The following EFNA5 variants were observed in gnomAD, a reference collection of about 807,000 sequenced individuals.
EFNA5 encodes ephrin A5.
EFNA5 carries 5 observed loss-of-function variants against 22.9 expected under a neutral mutation model. That is an observed-to-expected ratio of 0.22 (90% CI 0.11 to 0.46). The LOEUF (loss-of-function observed/expected upper bound fraction) is 0.46. EFNA5 is among the 20% of genes least tolerant of loss of function. The probability of loss-of-function intolerance (pLI) is 0.99; values close to 1 mark genes in which losing one functional copy is unlikely to be tolerated. For missense variants in EFNA5, 237 were observed against 293.3 expected (o/e 0.81, Z 1.40); for synonymous variants, 113 against 112.2 (o/e 1.01, Z -0.04).
At chr5:107,571,161 C>T (rs1748795249) in intron 1 of EFNA5, among the ~76,000 whole-genome samples, 1 of 152,126 alleles carries the variant, frequency 6.6e-6, no homozygotes, top group East Asian at 1.9e-4. Flanking sequence ...GGCTTAGGGG[C>T]CTACAGAAAA....
At chr5:107,401,616 A>G (rs1022280893) in intron 2 of EFNA5, among the ~76,000 whole-genome samples, 3 of 152,224 alleles carry the variant, frequency 2.0e-5, no homozygotes, top group Non-Finnish European at 4.4e-5. Context: ...AGGGGGAGGT[A>G]AAACACATAC....
intron 1 of EFNA5, among the ~76,000 whole-genome samples, chr5:107,636,396 G>A (rs995627735): frequency 6.6e-6 from 1 of 152,186 alleles, no homozygotes; most frequent in Non-Finnish European, 1.5e-5. Flanking sequence ...CACAAAGCAT[G>A]TTCAAATTCA....
At chr5:107,508,405 G>A (rs1359827761) in intron 1 of EFNA5, among the ~76,000 whole-genome samples, 1 of 152,136 alleles carries the variant, frequency 6.6e-6, no homozygotes, top group East Asian at 1.9e-4. Context: ...ACACACAGAC[G>A]AATGTCATCA....
At chr5:107,512,212 A>G (rs1747385969) in intron 1 of EFNA5, among the ~76,000 whole-genome samples, 1 of 152,146 alleles carries the variant, frequency 6.6e-6, no homozygotes, top group Non-Finnish European at 1.5e-5. Flanking sequence ...CGCTCACTCC[A>G]TCTCTGTTGT....
chr5:107,433,437 A>G (rs1749020802), intron 1 of EFNA5, among the ~76,000 whole-genome samples: 1 of 152,226 alleles, frequency 6.6e-6, no homozygotes, highest in African/African-American at 2.4e-5. Context: ...AGCATTGGAT[A>G]AAAAGCACGT....
At chr5:107,620,524 G>A (rs961196925) in intron 1 of EFNA5, among the ~76,000 whole-genome samples, 1 of 152,184 alleles carries the variant, frequency 6.6e-6, no homozygotes, top group Non-Finnish European at 1.5e-5. Context: ...AATGGGTTCT[G>A]TATTTTCAGT....
At chr5:107,669,448 G>A (rs1298767070) in intron 1 of EFNA5, among the ~76,000 whole-genome samples, 1 of 152,034 alleles carries the variant, frequency 6.6e-6, no homozygotes, top group Non-Finnish European at 1.5e-5. Context: ...GCCTAGCGGG[G>A]CCGACTTCTG....
chr5:107,485,816 C>A (rs898714258), intron 1 of EFNA5, among the ~76,000 whole-genome samples: 3 of 152,156 alleles, frequency 2.0e-5, no homozygotes, highest in Non-Finnish European at 4.4e-5. Flanking sequence ...CGGGTCTCGA[C>A]CTCACCTTCT....
intron 1 of EFNA5, among the ~76,000 whole-genome samples, chr5:107,576,385 A>G (rs1420397732): frequency 6.6e-6 from 1 of 152,202 alleles, no homozygotes; most frequent in Non-Finnish European, 1.5e-5. Context: ...AAAGAATGCT[A>G]TTAGGGGGCA....
chr5:107,408,065 C>T (rs1198223722), intron 2 of EFNA5, among the ~76,000 whole-genome samples: 1 of 152,078 alleles, frequency 6.6e-6, no homozygotes, highest in Non-Finnish European at 1.5e-5. Flanking sequence ...GTTATTTCTC[C>T]TAATGGCTAC....
At chr5:107,541,369 T>C (rs1217972177) in intron 1 of EFNA5, among the ~76,000 whole-genome samples, 1 of 152,182 alleles carries the variant, frequency 6.6e-6, no homozygotes. Flanking sequence ...TTTTAACTCA[T>C]TAGAATTTTA....
At chr5:107,553,216 T>C (rs1748336845) in intron 1 of EFNA5, among the ~76,000 whole-genome samples, 1 of 152,168 alleles carries the variant, frequency 6.6e-6, no homozygotes, top group African/African-American at 2.4e-5. Context: ...TATTAAACTG[T>C]GGGCAGGCAG....
intron 1 of EFNA5, among the ~76,000 whole-genome samples, chr5:107,638,720 G>T (rs529842681): frequency 6.6e-6 from 1 of 152,158 alleles, no homozygotes; most frequent in East Asian, 1.9e-4. Context: ...TGAGGACTTT[G>T]GTATCCATAG....
chr5:107,466,578 G>C (rs374498704), intron 1 of EFNA5, among the ~76,000 whole-genome samples: 1 of 152,112 alleles, frequency 6.6e-6, no homozygotes, highest in Non-Finnish European at 1.5e-5. Flanking sequence ...GAATGTTCTC[G>C]CGAGATCGAC....
At chr5:107,450,640 G>A (rs1243147229) in intron 1 of EFNA5, among the ~76,000 whole-genome samples, 5 of 152,170 alleles carry the variant, frequency 3.3e-5, no homozygotes, top group Non-Finnish European at 7.4e-5. Context: ...GAAAGCCAGG[G>A]CACTGGATGT....
chr5:107,449,676 A>T (rs921887857), intron 1 of EFNA5, among the ~76,000 whole-genome samples: 22 of 152,212 alleles, frequency 1.4e-4, no homozygotes, highest in Non-Finnish European at 2.8e-4. Flanking sequence ...CAAAGTCCTT[A>T]AGAAGCTCTC....
intron 1 of EFNA5, among the ~76,000 whole-genome samples, chr5:107,623,542 G>A (rs997047007): frequency 1.1e-4 from 16 of 152,122 alleles, no homozygotes; most frequent in African/African-American, 3.6e-4. Context: ...GAGCACACCA[G>A]TTCTAAGGAC....
At chr5:107,507,975 G>C (rs531978591) in intron 1 of EFNA5, among the ~76,000 whole-genome samples, 9 of 152,172 alleles carry the variant, frequency 5.9e-5, no homozygotes, top group Non-Finnish European at 1.0e-4. Context: ...GACAAGGTGG[G>C]ATCTAACCAT....
intron 2 of EFNA5, among the ~76,000 whole-genome samples, chr5:107,423,229 A>G (rs1006846256): frequency 6.6e-6 from 1 of 152,204 alleles, no homozygotes; most frequent in African/African-American, 2.4e-5. Flanking sequence ...TCCTTACTTT[A>G]TAAAAGCATA....
Sources: gnomAD v4.1 joint callset for allele counts (sites outside exome capture counted in the v4.1 genomes callset) on GRCh38, gnomAD v4.1.1 for gene constraint, MANE v1.5 for transcripts, NCBI Gene and HGNC (gene_info 2026-07-23, HGNC 2026-07-21) for gene names.